The following SWT1 variants were observed in gnomAD, a reference collection of about 807,000 sequenced individuals.
SWT1 encodes transcriptional protein SWT1.
In SWT1, 33 loss-of-function variants were observed where a neutral mutation model predicts 107.3. That is an observed-to-expected ratio of 0.31 (90% confidence interval 0.23 to 0.41). The LOEUF is 0.41. Among genes scored for constraint, SWT1 ranks in the 10% least tolerant of loss-of-function variants. SWT1 has a pLI of 1.00. For missense variants in SWT1, 898 were observed against 1,028.9 expected (o/e 0.87, Z 1.74); for synonymous variants, 345 against 348.3 (o/e 0.99, Z 0.11).
intron 17 of SWT1, among the ~76,000 whole-genome samples, chr1:185,275,975 T>C (rs1402202075): frequency 6.6e-6 from 1 of 152,164 alleles, no homozygotes; most frequent in Non-Finnish European, 1.5e-5. Flanking sequence ...ATTCTAATTT[T>C]CTGAAAATTT....
At chr1:185,158,015 T>G (rs1167259525) in intron 1 of SWT1, among the ~76,000 whole-genome samples, 1 of 152,194 alleles carries the variant, frequency 6.6e-6, no homozygotes, top group African/African-American at 2.4e-5. Context: ...CTGGCTGCCC[T>G]GCTTGGGCTT....
At chr1:185,216,276 G>A (rs569219253) in intron 14 of SWT1, among the ~76,000 whole-genome samples, 2 of 152,184 alleles carry the variant, frequency 1.3e-5, no homozygotes, top group East Asian at 1.9e-4. Context: ...GTGATTTTTA[G>A]AACTATTAGT....
chr1:185,251,922 C>A (rs950778868), intron 16 of SWT1, among the ~76,000 whole-genome samples: 1 of 151,846 alleles, frequency 6.6e-6, no homozygotes, highest in African/African-American at 2.4e-5. Flanking sequence ...TTAGGTATAT[C>A]TCCCAATGCT....
intron 16 of SWT1, among the ~76,000 whole-genome samples, chr1:185,240,305 T>A (rs567916636): frequency 7.9e-5 from 12 of 152,240 alleles, no homozygotes; most frequent in African/African-American, 2.6e-4. Context: ...GTTTAACATG[T>A]AAAACTTTGC....
intron 10 of SWT1, among the ~76,000 whole-genome samples, chr1:185,197,014 C>T (rs1424448608): frequency 6.6e-6 from 1 of 152,124 alleles, no homozygotes; most frequent in African/African-American, 2.4e-5. Context: ...AGAGAGAGGG[C>T]ATCCTTGTTT....
intron 5 of SWT1, among the ~76,000 whole-genome samples, chr1:185,180,089 C>T (rs550601038): frequency 1.3e-4 from 20 of 152,218 alleles, no homozygotes; most frequent in Admixed American, 2.6e-4. Context: ...GTGGCTGAGG[C>T]GGGAGGATCG....
Position 185,291,727 on chromosome 1 carries a change from C to T in SWT1, c.*924C>T, listed in dbSNP as rs941603062. The T allele has an allele frequency of 2.0e-5, 3 of 152,482 alleles. No individual in the cohort carries two copies. The highest frequency in any genetic ancestry group is 7.2e-5 in the African/African-American group (3 of 41,396). The allele number at this position is 152,482 out of a possible 1,614,324, so 9.4% of individuals were successfully genotyped here. A position where few individuals can be genotyped will look rare whatever the true frequency, so the allele number is the denominator to read the frequency against. On this transcript the variant is annotated 3_prime_UTR_variant, in exon 19 of 19. Coordinates refer to ENST00000367500, the MANE Select transcript of SWT1 (RefSeq NM_017673.7). ...ACTTCCAAATTGTTTCTGATATGTACATAAGGTATGATTATAAAAGTGACT... is the reference window on the plus strand; with the variant it reads ...ACTTCCAAATTGTTTCTGATATGTATATAAGGTATGATTATAAAAGTGACT...
At chr1:185,240,480 G>T (rs1329464094) in intron 16 of SWT1, among the ~76,000 whole-genome samples, 1 of 151,980 alleles carries the variant, frequency 6.6e-6, no homozygotes, top group Non-Finnish European at 1.5e-5. Context: ...TATATTAAAA[G>T]ATATCTCAAG....
Position 185,199,012 on chromosome 1 carries a change from A to G in SWT1, c.1524-3642A>G, listed in dbSNP as rs868466761. Reference sequence around the variant, plus strand: ...GAGTACAGTGGTGAGATCTCAGCTCACTGCAGCCTCCACATCCTGGGTTCA... The same window carrying G: ...GAGTACAGTGGTGAGATCTCAGCTCGCTGCAGCCTCCACATCCTGGGTTCA... On this transcript the variant is annotated intron_variant, in intron 10 of 18. Coordinates refer to ENST00000367500, the MANE Select transcript of SWT1 (RefSeq NM_017673.7). 3.4e-5 allele frequency among the ~76,000 whole-genome samples: 5 copies of G among 148,558 alleles called. No homozygotes were observed. In the Middle Eastern group the frequency reaches 0.011, roughly 316 times the overall value.
In SWT1 at chr1:185,255,530, T is replaced by G. The variant is rs1443756695; in HGVS notation, c.2442-15793T>G. Among the ~76,000 whole-genome samples the G allele has an allele frequency of 2.3e-5, 3 of 128,490 alleles. No individual in the cohort carries two copies. The East Asian group carries it at 6.5e-4, about 28-fold the overall frequency. The allele number at this position is 128,490 out of a possible 152,430, so 84.3% of individuals were successfully genotyped here. ...TGTTGAATTGATCCCTTTACCATTA[T>G]GTAATGGCCTTCTTTGTCTCTTTTG... On this transcript the variant is annotated intron_variant, in intron 16 of 18. Coordinates refer to ENST00000367500, the MANE Select transcript of SWT1 (RefSeq NM_017673.7).
At chr1:185,271,939 C>G (rs538604122) in intron 17 of SWT1, among the ~76,000 whole-genome samples, 2 of 152,308 alleles carry the variant, frequency 1.3e-5, no homozygotes, top group African/African-American at 4.8e-5. Flanking sequence ...GAAATTGTTT[C>G]TCATCAGGGG....
chr1:185,291,001 T>C lies in SWT1; in HGVS notation c.*198T>C, dbSNP rs1665222497. ...TGTATCCACTGTGGAATAAACTCCA[T>C]AGACTCAACTCTTCTGGAGTTCACA... On this transcript the variant is annotated 3_prime_UTR_variant, in exon 19 of 19. Transcript: ENST00000367500. 2.7e-5 allele frequency: 9 copies of C among 336,460 alleles called. No individual in the cohort carries two copies. The South Asian group carries it at 5.3e-4, about 20-fold the overall frequency. The allele number at this position is 336,460 out of a possible 1,614,324, so 20.8% of individuals were successfully genotyped here. A position where few individuals can be genotyped will look rare whatever the true frequency, so the allele number is the denominator to read the frequency against.
At chr1:185,240,091 G>A (rs1661162866) in intron 16 of SWT1, among the ~76,000 whole-genome samples, 2 of 151,994 alleles carry the variant, frequency 1.3e-5, no homozygotes, top group Non-Finnish European at 2.9e-5. Context: ...TTGTAGATAT[G>A]TTTCTGTTTC....
chr1:185,228,169 G>A (rs11586730), intron 15 of SWT1, among the ~76,000 whole-genome samples: 15,416 of 78,820 alleles, frequency 0.2, 1,295 homozygotes, highest in African/African-American at 0.4. Flanking sequence ...AAAAAAATGT[G>A]TATATATATA....
chr1:185,172,703 A>G (rs1436728134), intron 4 of SWT1, among the ~76,000 whole-genome samples: 2 of 151,902 alleles, frequency 1.3e-5, no homozygotes, highest in African/African-American at 2.4e-5. Flanking sequence ...CCATTTTACA[A>G]CCCCTTGCGA....
chr1:185,274,902 T>A (rs1664137400), intron 17 of SWT1, among the ~76,000 whole-genome samples: 1 of 152,096 alleles, frequency 6.6e-6, no homozygotes, highest in Non-Finnish European at 1.5e-5. Flanking sequence ...GGCCAGACCA[T>A]CATGAGACTG....
Position 185,222,054 on chromosome 1 carries a change from AT to A in SWT1, c.2309+27del, listed in dbSNP as rs750854734. 626 of 1,436,486 alleles carry A rather than the reference AT, an allele frequency of 4.4e-4. No individual in the cohort carries two copies. The highest frequency in any genetic ancestry group is 1.3e-3 in the South Asian group (83 of 65,632). The allele number at this position is 1,436,486 out of a possible 1,614,324, so 89.0% of individuals were successfully genotyped here. A position where few individuals can be genotyped will look rare whatever the true frequency, so the allele number is the denominator to read the frequency against. ...CAGAACAGGTACTAAATTTGGGGGA[AT>A]TTTTTTTTAGTTATTTTTTAAATTG... On this transcript the variant is annotated intron_variant, in intron 15 of 18. Transcript: ENST00000367500.
At chr1:185,243,306 C>T (rs554007973) in intron 16 of SWT1, among the ~76,000 whole-genome samples, 6 of 152,222 alleles carry the variant, frequency 3.9e-5, no homozygotes, top group Admixed American at 1.3e-4. Flanking sequence ...GACAGGGTTT[C>T]TTCATGTTGC....
chr1:185,255,175 CT>C (rs1248325926), intron 16 of SWT1, among the ~76,000 whole-genome samples: 1 of 152,018 alleles, frequency 6.6e-6, no homozygotes, highest in Admixed American at 6.6e-5. Context: ...TCTTTTACAT[CT>C]GTTGAGGAGA....
Sources: gnomAD v4.1 joint callset for allele counts (sites outside exome capture counted in the v4.1 genomes callset) on GRCh38, gnomAD v4.1.1 for gene constraint, MANE v1.5 for transcripts, NCBI Gene and HGNC (gene_info 2026-07-23, HGNC 2026-07-21) for gene names.